EML1: variants seen among roughly 807,000 people sequenced by gnomAD.
The protein encoded by EML1 is echinoderm microtubule-associated protein-like 1.
A neutral mutation model predicts 110.4 loss-of-function variants in EML1; 27 were observed. That is an observed-to-expected ratio of 0.24 (90% CI 0.18 to 0.34). The LOEUF (loss-of-function observed/expected upper bound fraction) is 0.34. EML1 is among the 10% of genes least tolerant of loss of function. EML1 has a pLI of 1.00. For synonymous variants in EML1, 344 were observed against 385.8 expected, an observed-to-expected ratio of 0.89 and a Z score of 1.27; for missense variants, 741 against 1,030.9, an observed-to-expected ratio of 0.72 and a Z score of 3.85.
chr14:99,876,405 C>A (rs1052342078), intron 3 of EML1, among the ~76,000 whole-genome samples: 5 of 152,170 alleles, frequency 3.3e-5, no homozygotes, highest in Non-Finnish European at 5.9e-5. Flanking sequence ...CCAGGGCTCA[C>A]CCCCTCCTCT....
chr14:99,741,263 C>T (rs550586860), intron 1 of EML1, among the ~76,000 whole-genome samples: 44 of 152,318 alleles, frequency 2.9e-4, no homozygotes, highest in Middle Eastern at 6.8e-3. Context: ...CCTGTGTAAC[C>T]TTCCGCCAGT....
intron 1 of EML1, among the ~76,000 whole-genome samples, chr14:99,759,688 G>A (rs989134150): frequency 6.6e-6 from 1 of 152,206 alleles, no homozygotes; most frequent in South Asian, 2.1e-4. Flanking sequence ...CTGGGTTTGC[G>A]CTGTGTCCAG....
At chr14:99,793,219 C>A, upstream of EML1, 1 of 536,816 alleles carries the variant, frequency 1.9e-6, no homozygotes, top group Non-Finnish European at 2.4e-6. Context: ...AGGCTCGGCC[C>A]CGCCCCGCCA....
intron 4 of EML1, 89 bp from the exon 5 acceptor site, chr14:99,891,110 C>A: frequency 6.8e-7 from 1 of 1,473,786 alleles, no homozygotes; most frequent in Non-Finnish European, 9.4e-7. Flanking sequence ...GTGTGGCAGA[C>A]TACTGCAGCC....
intron 17 of EML1, among the ~76,000 whole-genome samples, chr14:99,927,394 C>T (rs2060254191): frequency 6.6e-6 from 1 of 152,118 alleles, no homozygotes; most frequent in Admixed American, 6.6e-5. Flanking sequence ...CTGTATTTCC[C>T]ATAAAGTGAT....
Position 99,940,572 on chromosome 14 carries a change from A to G in EML1, c.*460A>G, listed in dbSNP as rs2060571709. On this transcript the variant is annotated 3_prime_UTR_variant, in exon 22 of 22. Transcript: ENST00000262233. ...TCCTAAAAGGACAGATCACTTCAGA[A>G]GAGTGAATAACTGATTTGCACAGCT... is the stretch of plus-strand genomic sequence containing the variant. 1 of 152,546 alleles carries G rather than the reference A, an allele frequency of 6.6e-6. No homozygotes were observed. The highest frequency in any genetic ancestry group is 1.5e-5 in the Non-Finnish European group (1 of 68,234). 9.4% of individuals were successfully genotyped at this position (152,546 alleles called of 1,614,324 possible).
chr14:99,939,751 A>G lies in EML1; in HGVS notation c.2323-236A>G, dbSNP rs915187306. ...ACCTGGCACCTCTGATACTGAGCAT[A>G]TCTCTCGGCTGAGGGCGGTCATTTG... is the stretch of plus-strand genomic sequence containing the variant. On this transcript the variant is annotated intron_variant, in intron 21 of 21. Transcript: ENST00000262233. The surrounding 1 kb of genome is among the most constrained non-coding windows in gnomAD (Gnocchi z 4.2). Among the ~76,000 whole-genome samples, 1 of 151,916 alleles carries G rather than the reference A, an allele frequency of 6.6e-6. No individual in the cohort carries two copies. The highest frequency in any genetic ancestry group is 2.4e-5 in the African/African-American group (1 of 41,336).
chr14:99,859,572 AC>A (rs1395513805), intron 2 of EML1, among the ~76,000 whole-genome samples: 2 of 152,152 alleles, frequency 1.3e-5, no homozygotes, highest in Non-Finnish European at 2.9e-5. Flanking sequence ...GCCTGTGGAC[AC>A]CTGGCTAGGT....
At chr14:99,828,010 T>A (rs1242786714) in intron 1 of EML1, among the ~76,000 whole-genome samples, 1 of 152,124 alleles carries the variant, frequency 6.6e-6, no homozygotes, top group African/African-American at 2.4e-5. Flanking sequence ...GCAGTCTAGG[T>A]CTTGATCTCA....
At chr14:99,885,421 C>T (rs2059456450) in intron 4 of EML1, among the ~76,000 whole-genome samples, 1 of 152,154 alleles carries the variant, frequency 6.6e-6, no homozygotes, top group Non-Finnish European at 1.5e-5. Context: ...CATAAAAATA[C>T]AGTATTATAA....
At chr14:99,880,376 C>T (rs1345645005) in intron 4 of EML1, among the ~76,000 whole-genome samples, 1 of 152,154 alleles carries the variant, frequency 6.6e-6, no homozygotes, top group Non-Finnish European at 1.5e-5. Context: ...AATTCAGTGG[C>T]TGCCTGACCC....
chr14:99,802,936 C>T (rs1287588911), intron 1 of EML1, among the ~76,000 whole-genome samples: 1 of 152,130 alleles, frequency 6.6e-6, no homozygotes, highest in African/African-American at 2.4e-5. Flanking sequence ...CCCACTTTAG[C>T]ACCCAGGGCC....
At chr14:99,796,563 C>G (rs890918439) in intron 1 of EML1, among the ~76,000 whole-genome samples, 5 of 149,822 alleles carry the variant, frequency 3.3e-5, no homozygotes, top group African/African-American at 1.2e-4. Flanking sequence ...ATGATCACAG[C>G]TCACTGCAGA....
chr14:99,748,593 G>A (rs527718840), intron 1 of EML1, among the ~76,000 whole-genome samples: 1 of 152,210 alleles, frequency 6.6e-6, no homozygotes, highest in South Asian at 2.1e-4. Context: ...ACAAGTTCAA[G>A]GCTGTAGTGA....
chr14:99,764,929 T>G (rs75900607), intron 1 of EML1, among the ~76,000 whole-genome samples: 2,622 of 150,120 alleles, frequency 0.017, 77 homozygotes, highest in African/African-American at 0.059. Context: ...TTTGTTGTTG[T>G]TGGTGTTGTT....
intron 4 of EML1, among the ~76,000 whole-genome samples, chr14:99,889,571 T>A (rs909422253): frequency 6.6e-6 from 1 of 152,112 alleles, no homozygotes; most frequent in Non-Finnish European, 1.5e-5. Flanking sequence ...AGGGTTTCAG[T>A]ATGGAGCAGC....
intron 3 of EML1, among the ~76,000 whole-genome samples, chr14:99,871,180 A>T (rs1007511365): frequency 6.6e-6 from 1 of 152,130 alleles, no homozygotes; most frequent in African/African-American, 2.4e-5. Flanking sequence ...GATGATCTCG[A>T]TCTCTTGACC....
In EML1 at chr14:99,923,639, C is replaced by CGTTGAATTATCAATGA; in HGVS notation, c.1909+2762_1909+2763insGTTGAATTATCAATGA. ...GTTTATTTCCGGATACTCAGTTCTG[C>CGTTGAATTATCAATGA]CCCCTTCACCTGTGTTTATCCCCGA... On this transcript the variant is annotated intron_variant, in intron 17 of 21. Transcript: ENST00000262233. 1.6e-3 allele frequency among the ~76,000 whole-genome samples: 105 copies of CGTTGAATTATCAATGA among 65,306 alleles called. 1 individual carries two copies. The highest frequency in any genetic ancestry group is 6.4e-3 in the African/African-American group (93 of 14,618). The allele number at this position is 65,306 out of a possible 152,430, so 42.8% of individuals were successfully genotyped here.
At chr14:99,768,396 A>C (rs767767681), upstream of EML1, among the ~76,000 whole-genome samples, 10 of 151,962 alleles carry the variant, frequency 6.6e-5, no homozygotes, top group African/African-American at 2.4e-4. Context: ...GGCAGGAAGG[A>C]TTGTGGGGTT....
Sources: gnomAD v4.1 joint callset for allele counts (sites outside exome capture counted in the v4.1 genomes callset) on GRCh38, gnomAD v4.1.1 for gene constraint, Gnocchi (gnomAD v3.1) non-coding constraint, MANE v1.5 for transcripts, NCBI Gene and HGNC (gene_info 2026-07-23, HGNC 2026-07-21) for gene names.